Variants in MGAT4C observed in about 807,000 individuals in gnomAD.
MGAT4C encodes the protein alpha-1,3-mannosyl-glycoprotein 4-beta-N-acetylglucosaminyltransferase C.
A neutral mutation model predicts 40.1 loss-of-function variants in MGAT4C; 19 were observed. That is an observed-to-expected ratio of 0.47 (90% confidence interval 0.33 to 0.70). The LOEUF (loss-of-function observed/expected upper bound fraction) is 0.70. MGAT4C is among the 30% of genes least tolerant of loss of function. The probability of loss-of-function intolerance (pLI) is 0.02; values close to 1 mark genes in which losing one functional copy is unlikely to be tolerated. For missense variants in MGAT4C, 491 were observed against 563.2 expected (o/e 0.87, Z 1.30); for synonymous variants, 181 against 187.1 (o/e 0.97, Z 0.27).
chr12:86,283,363 T>A (rs992667726), intron 4 of MGAT4C, among the ~76,000 whole-genome samples: 2 of 152,008 alleles, frequency 1.3e-5, no homozygotes, highest in African/African-American at 4.8e-5. Context: ...GTCATGGACA[T>A]AAGTGGAAAT....
intron 2 of MGAT4C, among the ~76,000 whole-genome samples, chr12:86,649,056 C>T (rs1055195536): frequency 6.6e-6 from 1 of 151,740 alleles, no homozygotes; most frequent in Non-Finnish European, 1.5e-5. Flanking sequence ...AATTTAAACA[C>T]ATGTAATTTT....
chr12:86,704,120 C>T (rs1242249643), intron 2 of MGAT4C, among the ~76,000 whole-genome samples: 1 of 151,978 alleles, frequency 6.6e-6, no homozygotes, highest in African/African-American at 2.4e-5. Flanking sequence ...TTACTATATT[C>T]AACACTCTAA....
intron 1 of MGAT4C, among the ~76,000 whole-genome samples, chr12:86,248,330 G>A (rs1233748607): frequency 6.6e-6 from 1 of 151,700 alleles, no homozygotes; most frequent in Admixed American, 6.6e-5. Context: ...AAGAATTAGG[G>A]AGAATCTTTG....
chr12:86,284,653 A>C (rs535626482), intron 4 of MGAT4C, among the ~76,000 whole-genome samples: 1 of 152,128 alleles, frequency 6.6e-6, no homozygotes, highest in African/African-American at 2.4e-5. Flanking sequence ...GAAACCATGA[A>C]AAATCATTTG....
chr12:86,383,452 T>C (rs975483752), intron 3 of MGAT4C, among the ~76,000 whole-genome samples: 3 of 143,710 alleles, frequency 2.1e-5, no homozygotes, highest in African/African-American at 7.8e-5. Flanking sequence ...CTTGGGAGGC[T>C]GAGGCAGGAG....
In MGAT4C at chr12:86,682,601, G is replaced by A. The variant is rs149884896; in HGVS notation, c.-229+44608C>T. Among the ~76,000 whole-genome samples the A allele has an allele frequency of 2.2e-3, 332 of 152,052 alleles. 2 individuals are homozygous for A. The highest frequency in any genetic ancestry group is 3.2e-3 in the Non-Finnish European group (218 of 67,940). ...ACTACCATGACAACTAAATGTGGAA[G>A]CCCAAACTAGGGAAAAAAAGTTTCT... On this transcript the variant is annotated intron_variant, in intron 2 of 7. Coordinates refer to the MGAT4C transcript ENST00000548651.
chr12:86,308,399 G>A (rs1407888210), intron 4 of MGAT4C, among the ~76,000 whole-genome samples: 1 of 150,372 alleles, frequency 6.7e-6, no homozygotes, highest in Admixed American at 6.6e-5. Flanking sequence ...ATTTCTGAAA[G>A]GTTTGAATTT....
chr12:86,676,151 A>G (rs1964394395), intron 2 of MGAT4C, among the ~76,000 whole-genome samples: 1 of 152,146 alleles, frequency 6.6e-6, no homozygotes, highest in East Asian at 1.9e-4. Flanking sequence ...AGAGGAAGTG[A>G]GGATTGAGTT....
intron 1 of MGAT4C, among the ~76,000 whole-genome samples, chr12:86,806,279 C>T (rs1026715007): frequency 2.0e-5 from 3 of 151,798 alleles, no homozygotes; most frequent in Non-Finnish European, 2.9e-5. Context: ...TCAAATGCTA[C>T]TATAAGAAAT....
chr12:86,353,047 A>G (rs1955208961), intron 3 of MGAT4C, among the ~76,000 whole-genome samples: 1 of 149,778 alleles, frequency 6.7e-6, no homozygotes, highest in African/African-American at 2.4e-5. Flanking sequence ...AAATAAATAA[A>G]TAAATAAAAT....
At chr12:86,508,304 C>T (rs1013229989) in intron 2 of MGAT4C, among the ~76,000 whole-genome samples, 4 of 151,926 alleles carry the variant, frequency 2.6e-5, no homozygotes, top group African/African-American at 9.7e-5. Flanking sequence ...TGAGAACATG[C>T]GGTGTTTGGT....
chr12:86,406,188 T>G (rs1956469831), intron 3 of MGAT4C, among the ~76,000 whole-genome samples: 1 of 150,974 alleles, frequency 6.6e-6, no homozygotes, highest in Admixed American at 6.6e-5. Flanking sequence ...CATCTAGAGC[T>G]AGTCAAAAAG....
intron 2 of MGAT4C, among the ~76,000 whole-genome samples, chr12:86,608,004 G>A (rs1023599938): frequency 2.6e-5 from 4 of 151,940 alleles, no homozygotes; most frequent in Non-Finnish European, 5.9e-5. Context: ...CCAAAAAGCC[G>A]AGAAACATCA....
rs547399619 is a variant in MGAT4C, at chr12:86,251,888, T to C, written c.-57+4351A>G. ...AACACTGAACAACAAATTCTCTGCT[T>C]TTAGCAGAATTTAGCATTAAAAAGT... On this transcript the variant is annotated intron_variant, in intron 1 of 4. Transcript: ENST00000611864. 2.6e-5 allele frequency among the ~76,000 whole-genome samples: 4 copies of C among 152,164 alleles called. No individual in the cohort carries two copies. In the East Asian group the frequency reaches 5.8e-4, roughly 22 times the overall value.
chr12:86,710,416 A>G (rs988947486), intron 2 of MGAT4C, among the ~76,000 whole-genome samples: 1 of 152,186 alleles, frequency 6.6e-6, no homozygotes, highest in African/African-American at 2.4e-5. Context: ...TCTTAAGTGC[A>G]TGTTTGACTT....
chr12:86,149,389 T>C (rs934086973), intron 1 of MGAT4C, among the ~76,000 whole-genome samples: 4 of 152,174 alleles, frequency 2.6e-5, no homozygotes, highest in Admixed American at 6.5e-5. Context: ...AGAAAAAATA[T>C]GTACTTCATT....
intron 2 of MGAT4C, among the ~76,000 whole-genome samples, chr12:86,676,251 T>C (rs550560219): frequency 6.6e-6 from 1 of 152,176 alleles, no homozygotes; most frequent in East Asian, 1.9e-4. Context: ...CAATGTAGGA[T>C]ATTTAGGGAA....
intron 3 of MGAT4C, among the ~76,000 whole-genome samples, chr12:86,382,241 G>C (rs1415379146): frequency 6.6e-6 from 1 of 152,196 alleles, no homozygotes; most frequent in Non-Finnish European, 1.5e-5. Flanking sequence ...AACTTGTTGG[G>C]AACTAGAGCA....
rs142883541 is a variant in MGAT4C, at chr12:85,985,553, T to C, written c.148-1883A>G. Among the ~76,000 whole-genome samples the C allele has an allele frequency of 2.7e-3, 417 of 152,270 alleles. 3 individuals are homozygous for C. Among genetic ancestry groups the C allele is most frequent in the African/African-American group, 9.3e-3 (386 of 41,576 alleles). On this transcript the variant is annotated intron_variant, in intron 3 of 4. Transcript: ENST00000611864. Reference sequence around the variant, plus strand: ...GACCAAGAAATACTTTAGTCCTTTATAAGGTTCACAATGTGTAAAAGTGTG... The same window carrying C: ...GACCAAGAAATACTTTAGTCCTTTACAAGGTTCACAATGTGTAAAAGTGTG...
Sources: gnomAD v4.1 joint callset for allele counts (sites outside exome capture counted in the v4.1 genomes callset) on GRCh38, gnomAD v4.1.1 for gene constraint, MANE v1.5 for transcripts, NCBI Gene and HGNC (gene_info 2026-07-23, HGNC 2026-07-21) for gene names.